The following RNF11 variants were observed in gnomAD, a reference collection of about 807,000 sequenced individuals.
The protein encoded by RNF11 is ring finger protein 11.
RNF11 carries 4 observed loss-of-function variants against 15.8 expected under a neutral mutation model. The observed-to-expected ratio is 0.25, with a 90% confidence interval of 0.12 to 0.58. The LOEUF (loss-of-function observed/expected upper bound fraction) is 0.58, where lower values mean the gene tolerates loss of function less well. RNF11 is among the 20% of genes least tolerant of loss of function. The pLI, the probability that RNF11 is intolerant of heterozygous loss-of-function variation, is 0.91. For missense variants in RNF11, 139 were observed against 194.4 expected (o/e 0.71, Z 1.70); for synonymous variants, 68 against 72.3 (o/e 0.94, Z 0.30).
chr1:51,263,643 A>C (rs570790630), intron 1 of RNF11, among the ~76,000 whole-genome samples: 1 of 152,352 alleles, frequency 6.6e-6, no homozygotes, highest in African/African-American at 2.4e-5. Flanking sequence ...TCTGGAACGA[A>C]ACCCACACAT....
chr1:51,269,776 G>A, intron 1 of RNF11, 180 bp from the exon 2 acceptor site: 1 of 609,326 alleles, frequency 1.6e-6, no homozygotes, highest in Non-Finnish European at 2.9e-6. Context: ...GTTTTGGTGT[G>A]TGTATGTTTT....
chr1:51,263,158 T>C (rs892722196), intron 1 of RNF11, among the ~76,000 whole-genome samples: 2 of 152,042 alleles, frequency 1.3e-5, no homozygotes, highest in Admixed American at 6.5e-5. Context: ...TTTTGCAGAG[T>C]TCCATTCATT....
In RNF11 at chr1:51,272,038, G is replaced by A. The variant is rs996305546; in HGVS notation, c.*716G>A. ...CCTTTTCTATAAAAAATAAGTTAAT[G>A]TGTCAAGAAACCAACTCTATTAAGG... On this transcript the variant is annotated 3_prime_UTR_variant, in exon 3 of 3. Transcript: ENST00000242719. 1 of 152,534 alleles carries A rather than the reference G, an allele frequency of 6.6e-6. No individual in the cohort carries two copies. Among genetic ancestry groups the A allele is most frequent in the Non-Finnish European group, 1.5e-5 (1 of 67,996 alleles). The allele number at this position is 152,534 out of a possible 1,614,324, so 9.4% of individuals were successfully genotyped here. A position where few individuals can be genotyped will look rare whatever the true frequency, so the allele number is the denominator to read the frequency against.
intron 1 of RNF11, among the ~76,000 whole-genome samples, chr1:51,237,110 T>C (rs775910293): frequency 6.6e-6 from 1 of 152,118 alleles, no homozygotes; most frequent in African/African-American, 2.4e-5. Context: ...AGTTCTGGGA[T>C]CAGAGTATGT....
chr1:51,272,632 T>C lies in RNF11; in HGVS notation c.*1310T>C, dbSNP rs1439029539. On this transcript the variant is annotated 3_prime_UTR_variant, in exon 3 of 3. Transcript: ENST00000242719. ...TAGAGATGGTCTAGTAAAGATGTAG[T>C]AGTAATGTTTTATCCATTTAGCATG... The C allele has an allele frequency of 6.6e-6, 1 of 152,346 alleles. No homozygotes were observed. The highest frequency in any genetic ancestry group is 1.9e-4 in the East Asian group (1 of 5,204). The allele number at this position is 152,346 out of a possible 1,614,324, so 9.4% of individuals were successfully genotyped here.
chr1:51,246,957 A>C (rs1252877377), intron 1 of RNF11, among the ~76,000 whole-genome samples: 1 of 150,668 alleles, frequency 6.6e-6, no homozygotes, highest in Non-Finnish European at 1.5e-5. Context: ...CAGCCTAGGC[A>C]GCAGAGTGAG....
chr1:51,245,133 C>T (rs1646846111), intron 1 of RNF11, among the ~76,000 whole-genome samples: 1 of 152,182 alleles, frequency 6.6e-6, no homozygotes, highest in African/African-American at 2.4e-5. Flanking sequence ...GGTCACGGCT[C>T]ACTGAAGCCT....
intron 1 of RNF11, among the ~76,000 whole-genome samples, chr1:51,253,820 T>A (rs972716502): frequency 6.6e-6 from 1 of 152,188 alleles, no homozygotes. Flanking sequence ...AATATTTTAT[T>A]TGTATAAATT....
intron 1 of RNF11, among the ~76,000 whole-genome samples, chr1:51,237,415 T>C (rs1425330458): frequency 7.3e-6 from 1 of 137,310 alleles, no homozygotes; most frequent in Non-Finnish European, 1.5e-5. Flanking sequence ...GAGTTACTTG[T>C]GTGTGTGTGT....
rs1646978547 is a variant in RNF11 at position 51,271,515 on chromosome 1, T to C, written c.*193T>C. On this transcript the variant is annotated 3_prime_UTR_variant, in exon 3 of 3. Transcript: ENST00000242719. ...AAACTTAGTGGGAAAAGTAGGATGGTATTTTTATGTAAAGCCTTGACCCAA... is the reference window on the plus strand; with the variant it reads ...AAACTTAGTGGGAAAAGTAGGATGGCATTTTTATGTAAAGCCTTGACCCAA... 2 of 517,726 alleles carry C rather than the reference T, an allele frequency of 3.9e-6. No individual in the cohort carries two copies. Among genetic ancestry groups the C allele is most frequent in the Admixed American group, 3.2e-5 (1 of 31,286 alleles). The allele number at this position is 517,726 out of a possible 1,614,324, so 32.1% of individuals were successfully genotyped here. A position where few individuals can be genotyped will look rare whatever the true frequency, so the allele number is the denominator to read the frequency against.
rs1279712707 is a variant in RNF11 at position 51,273,424 on chromosome 1, A to G, written c.*2102A>G. 6.6e-6 allele frequency: 1 copy of G among 152,194 alleles called. No homozygotes were observed. The highest frequency in any genetic ancestry group is 1.5e-5 in the Non-Finnish European group (1 of 68,018). The allele number at this position is 152,194 out of a possible 1,614,324, so 9.4% of individuals were successfully genotyped here. ...ATTTTGACTTTTACTAAGTTGTTAA[A>G]TAAAGTTATAATACAGCTGTGAAGG... On this transcript the variant is annotated 3_prime_UTR_variant, in exon 3 of 3. Coordinates refer to ENST00000242719, the MANE Select transcript of RNF11 (RefSeq NM_014372.5).
intron 1 of RNF11, among the ~76,000 whole-genome samples, chr1:51,246,696 A>G (rs918433527): frequency 6.6e-6 from 1 of 152,234 alleles, no homozygotes. Context: ...CATTTCTACA[A>G]GAAAATATTT....
At chr1:51,240,626 C>G (rs533361687) in intron 1 of RNF11, among the ~76,000 whole-genome samples, 50 of 152,154 alleles carry the variant, frequency 3.3e-4, no homozygotes, top group African/African-American at 1.0e-3. Flanking sequence ...TTTGGTTGAA[C>G]GAATGAATAG....
intron 1 of RNF11, among the ~76,000 whole-genome samples, chr1:51,243,197 TAA>T (rs1646837850): frequency 1.3e-5 from 2 of 152,230 alleles, no homozygotes; most frequent in Non-Finnish European, 2.9e-5. Flanking sequence ...ATTAAACTTG[TAA>T]GATATCTTAG....
At chr1:51,268,477 G>T (rs149736844) in intron 1 of RNF11, among the ~76,000 whole-genome samples, 1 of 152,018 alleles carries the variant, frequency 6.6e-6, no homozygotes, top group African/African-American at 2.4e-5. Flanking sequence ...ATGTTTCCCC[G>T]TAAAGTAGAA....
chr1:51,248,311 G>A (rs1019816212), intron 1 of RNF11, among the ~76,000 whole-genome samples: 4 of 151,378 alleles, frequency 2.6e-5, no homozygotes, highest in African/African-American at 9.7e-5. Context: ...GGGTTGAAGC[G>A]ATTCTCCTGC....
At chr1:51,262,381 A>G in intron 1 of RNF11, among the ~76,000 whole-genome samples, 1 of 152,246 alleles carries the variant, frequency 6.6e-6, no homozygotes, top group East Asian at 1.9e-4. Context: ...CTCTTAGAAG[A>G]TATAGGAGCA....
intron 1 of RNF11, among the ~76,000 whole-genome samples, chr1:51,245,174 C>T (rs1390354010): frequency 2.0e-5 from 3 of 152,230 alleles, no homozygotes; most frequent in Admixed American, 1.3e-4. Flanking sequence ...ATCCTCCCAC[C>T]TCAGCCTCCT....
At chr1:51,260,686 T>A (rs1646926947) in intron 1 of RNF11, among the ~76,000 whole-genome samples, 1 of 152,158 alleles carries the variant, frequency 6.6e-6, no homozygotes, top group South Asian at 2.1e-4. Flanking sequence ...TATTGATTTT[T>A]TTTTCCTCAT....
Sources: gnomAD v4.1 joint callset for allele counts (sites outside exome capture counted in the v4.1 genomes callset) on GRCh38, gnomAD v4.1.1 for gene constraint, MANE v1.5 for transcripts, NCBI Gene and HGNC (gene_info 2026-07-23, HGNC 2026-07-21) for gene names.